The following CNTNAP3B variants were observed in gnomAD, a reference collection of about 807,000 sequenced individuals.
The protein encoded by CNTNAP3B is contactin-associated protein-like 3B.
Under a neutral mutation model 108.9 loss-of-function variants are expected in CNTNAP3B, and 25 were observed. The observed-to-expected ratio is 0.23, with a 90% CI of 0.17 to 0.32. The LOEUF (loss-of-function observed/expected upper bound fraction) is 0.32. Ranked by LOEUF, CNTNAP3B falls within the 10% of genes least tolerant of loss-of-function variation. CNTNAP3B has a pLI of 1.00. For synonymous variants in CNTNAP3B, 103 were observed against 473.4 expected, an observed-to-expected ratio of 0.22 and a Z score of 10.16; for missense variants, 252 against 1,210.4, an observed-to-expected ratio of 0.21 and a Z score of 11.75.
At chr9:41,960,995 G>A (rs1366431439) in intron 11 of CNTNAP3B, 103 bp from the exon 12 acceptor site, 2 of 1,504,974 alleles carry the variant, frequency 1.3e-6, no homozygotes, top group South Asian at 1.3e-5. Context: ...TGATACATAT[G>A]ACCCAACATC....
At chr9:41,977,591 T>C (rs1825543715) in intron 9 of CNTNAP3B, among the ~76,000 whole-genome samples, 1 of 139,664 alleles carries the variant, frequency 7.2e-6, no homozygotes, top group Non-Finnish European at 1.5e-5. Flanking sequence ...ATTTCCATGC[T>C]GACAGCCAAT....
In CNTNAP3B at chr9:42,075,379, G is replaced by C. The variant is rs575969164; in HGVS notation, c.390+1490C>G. Among the ~76,000 whole-genome samples, 3 of 140,700 alleles carry C rather than the reference G, an allele frequency of 2.1e-5. 1 individual carries two copies. The East Asian group carries it at 6.5e-4, about 30-fold the overall frequency. 92.3% of individuals were successfully genotyped at this position (140,700 alleles called of 152,430 possible). A position where few individuals can be genotyped will look rare whatever the true frequency, so the allele number is the denominator to read the frequency against. On this transcript the variant is annotated intron_variant, in intron 3 of 23. Transcript: ENST00000377561. ...GATGAAAGGCAGGCACAGTGACTTTGAAAGGAAGCTCACACTGTGAGCGGG... is the reference window on the plus strand; with the variant it reads ...GATGAAAGGCAGGCACAGTGACTTTCAAAGGAAGCTCACACTGTGAGCGGG...
chr9:41,967,385 G>A (rs1289519598), intron 10 of CNTNAP3B, among the ~76,000 whole-genome samples: 20 of 151,486 alleles, frequency 1.3e-4, no homozygotes, highest in South Asian at 2.1e-4. Flanking sequence ...CATATAAGAC[G>A]TGTCTTGTTT....
rs1386659123 is a variant in CNTNAP3B, at chr9:42,124,334, A to AT, written c.85+4675dup. On this transcript the variant is annotated intron_variant, in intron 1 of 23. Coordinates refer to ENST00000377561, the MANE Select transcript of CNTNAP3B (RefSeq NM_001201380.3). ...TTTAACCAAGCTAAGCATATACTCC[A>AT]TTTTTTAGAAAACTAGATTTACTGT... Among the ~76,000 whole-genome samples the AT allele has an allele frequency of 8.9e-5, 12 of 134,788 alleles. 3 individuals are homozygous for AT. In the East Asian group the frequency reaches 2.7e-3, roughly 31 times the overall value. The allele number at this position is 134,788 out of a possible 152,430, so 88.4% of individuals were successfully genotyped here.
intron 12 of CNTNAP3B, among the ~76,000 whole-genome samples, chr9:41,955,016 C>G (rs1020806926): frequency 6.6e-6 from 1 of 151,494 alleles, no homozygotes; most frequent in African/African-American, 2.4e-5. Flanking sequence ...CCTGGTGTTA[C>G]TCTGTGCACA....
chr9:42,051,922 C>A (rs1826971431), intron 3 of CNTNAP3B, among the ~76,000 whole-genome samples: 1 of 152,058 alleles, frequency 6.6e-6, no homozygotes, highest in African/African-American at 2.4e-5. Flanking sequence ...ACAATAGCTC[C>A]CTTGGGAACT....
At chr9:41,962,402 T>C (rs1210717877) in intron 11 of CNTNAP3B, among the ~76,000 whole-genome samples, 1 of 152,224 alleles carries the variant, frequency 6.6e-6, no homozygotes, top group Non-Finnish European at 1.5e-5. Context: ...TGGAGTTATA[T>C]TTTGATTGCA....
intron 18 of CNTNAP3B, among the ~76,000 whole-genome samples, chr9:41,915,926 C>A (rs1213468022): frequency 6.6e-6 from 1 of 151,230 alleles, no homozygotes; most frequent in African/African-American, 2.4e-5. Flanking sequence ...TTATATATAT[C>A]TTATCAATAA....
chr9:41,925,699 T>A (rs1343000149), intron 15 of CNTNAP3B, among the ~76,000 whole-genome samples: 1 of 152,304 alleles, frequency 6.6e-6, no homozygotes, highest in Non-Finnish European at 1.5e-5. Context: ...TGAATTTGTA[T>A]TCTATTCAAT....
intron 9 of CNTNAP3B, among the ~76,000 whole-genome samples, chr9:41,973,133 G>T (rs1825455838): frequency 1.4e-5 from 2 of 139,510 alleles, no homozygotes; most frequent in Admixed American, 7.2e-5. Context: ...TTTTTCAGTA[G>T]AGACGGGGTT....
chr9:41,967,303 G>A (rs1259458274), intron 10 of CNTNAP3B, among the ~76,000 whole-genome samples: 7 of 152,268 alleles, frequency 4.6e-5, no homozygotes, highest in Non-Finnish European at 1.0e-4. Context: ...TCTCATGATA[G>A]TGAATAAGTC....
intron 1 of CNTNAP3B, among the ~76,000 whole-genome samples, chr9:42,124,703 C>G (rs1275386283): frequency 8.0e-6 from 1 of 125,520 alleles, no homozygotes; most frequent in Non-Finnish European, 1.7e-5. Context: ...TTCAGATATT[C>G]AAGCTTTAAA....
intron 13 of CNTNAP3B, among the ~76,000 whole-genome samples, chr9:41,939,992 G>A (rs1300305820): frequency 6.6e-6 from 1 of 152,278 alleles, no homozygotes; most frequent in Non-Finnish European, 1.5e-5. Flanking sequence ...AAAAAACTCT[G>A]AATGGGCTCA....
intron 15 of CNTNAP3B, among the ~76,000 whole-genome samples, chr9:41,927,430 AAAG>A (rs1191877946): frequency 2.5e-4 from 36 of 143,508 alleles, no homozygotes; most frequent in Non-Finnish European, 1.1e-4. Context: ...AAAAGAAAGA[AAAG>A]AAAGAGAGAG....
At chr9:42,055,537 A>G (rs1827050810) in intron 3 of CNTNAP3B, among the ~76,000 whole-genome samples, 1 of 139,034 alleles carries the variant, frequency 7.2e-6, no homozygotes, top group African/African-American at 2.8e-5. Flanking sequence ...ACATATGCAT[A>G]TATTACACTA....
intron 10 of CNTNAP3B, among the ~76,000 whole-genome samples, chr9:41,969,642 G>A (rs1247199383): frequency 9.2e-5 from 14 of 152,020 alleles, no homozygotes; most frequent in Admixed American, 6.5e-4. Context: ...TTTTGAGACC[G>A]AGTCTCGCTC....
intron 13 of CNTNAP3B, among the ~76,000 whole-genome samples, chr9:41,940,838 A>T (rs1445784741): frequency 6.6e-6 from 1 of 152,202 alleles, no homozygotes; most frequent in Non-Finnish European, 1.5e-5. Context: ...ACAACAAAAA[A>T]CCTTTTTAAC....
chr9:42,066,158 A>G lies in CNTNAP3B; in HGVS notation c.390+10711T>C, dbSNP rs1176527331. Among the ~76,000 whole-genome samples the G allele has an allele frequency of 1.5e-5, 2 of 137,118 alleles. 1 individual carries two copies. Among genetic ancestry groups the G allele is most frequent in the African/African-American group, 5.8e-5 (2 of 34,490 alleles). 90.0% of individuals were successfully genotyped at this position (137,118 alleles called of 152,430 possible). A position where few individuals can be genotyped will look rare whatever the true frequency, so the allele number is the denominator to read the frequency against. On this transcript the variant is annotated intron_variant, in intron 3 of 23. Transcript: ENST00000377561. ...AATTAGAGAGGATTAACATCTTTAC[A>G]TTACTGAGTCTTCATATCCATAAAT...
chr9:42,097,042 G>C lies in CNTNAP3B; in HGVS notation c.196+7587C>G, dbSNP rs1375538580. Among the ~76,000 whole-genome samples, 3 of 138,430 alleles carry C rather than the reference G, an allele frequency of 2.2e-5. 1 individual carries two copies. Among genetic ancestry groups the C allele is most frequent in the African/African-American group, 8.7e-5 (3 of 34,644 alleles). 90.8% of individuals were successfully genotyped at this position (138,430 alleles called of 152,430 possible). The stretch of plus-strand genomic sequence containing the variant: ...GCTGGGATTACAGGCGTGAACCACT[G>C]TGCCCGGTCCCGCACAGAAGTTTTT... On this transcript the variant is annotated intron_variant, in intron 2 of 23. Coordinates refer to ENST00000377561, the MANE Select transcript of CNTNAP3B (RefSeq NM_001201380.3).
Sources: gnomAD v4.1 joint callset for allele counts (sites outside exome capture counted in the v4.1 genomes callset) on GRCh38, gnomAD v4.1.1 for gene constraint, MANE v1.5 for transcripts, NCBI Gene and HGNC (gene_info 2026-07-23, HGNC 2026-07-21) for gene names.